Variants in RAPGEF4 observed in about 807,000 individuals in gnomAD.
RAPGEF4 encodes RAP guanine-nucleotide-exchange factor (GEF) 4.
In RAPGEF4, 66 loss-of-function variants were observed where a neutral mutation model predicts 147.9. The observed-to-expected ratio is 0.45, with a 90% confidence interval of 0.37 to 0.55. The LOEUF is 0.55. Ranked by LOEUF, RAPGEF4 falls within the 20% of genes least tolerant of loss-of-function variation. The pLI, the probability that RAPGEF4 is intolerant of heterozygous loss-of-function variation, is 0.00. For synonymous variants in RAPGEF4, 419 were observed against 442.7 expected, an observed-to-expected ratio of 0.95 and a Z score of 0.67; for missense variants, 1,071 against 1,257.3, an observed-to-expected ratio of 0.85 and a Z score of 2.24.
chr2:173,017,142 A>T, intron 19 of RAPGEF4, 32 bp from the exon 20 acceptor site: 1 of 1,601,248 alleles, frequency 6.2e-7, no homozygotes, highest in Non-Finnish European at 8.6e-7. Context: ...TAGCAATGGT[A>T]TTAAATAATG....
chr2:172,972,915 G>A (rs1313822600), intron 10 of RAPGEF4, among the ~76,000 whole-genome samples: 3 of 152,024 alleles, frequency 2.0e-5, no homozygotes, highest in Non-Finnish European at 2.9e-5. Context: ...TTAACATTTT[G>A]GTGCCTATCC....
At chr2:173,026,293 G>A (rs4296399) in intron 23 of RAPGEF4, among the ~76,000 whole-genome samples, 5,884 of 152,294 alleles carry the variant, frequency 0.039, 151 homozygotes, top group Admixed American at 0.075. Flanking sequence ...GCCTGAGTGT[G>A]AGAGAAGAGA....
At position 172,912,846 on chromosome 2, in the gene RAPGEF4, A is replaced by C. The variant is rs138447745; in HGVS notation, c.445-4956A>C. Reference sequence around the variant, plus strand: ...CTCAACTTTCCACCACTGCAAAACAAGGGTGAGTGTGAGTGTCTTCCATCT... The same window carrying C: ...CTCAACTTTCCACCACTGCAAAACACGGGTGAGTGTGAGTGTCTTCCATCT... On this transcript the variant is annotated intron_variant, in intron 4 of 30. Transcript: ENST00000397081. Among the ~76,000 whole-genome samples, 175 of 151,626 alleles carry C rather than the reference A, an allele frequency of 1.2e-3. 1 individual carries two copies. The highest frequency in any genetic ancestry group is 3.9e-3 in the African/African-American group (161 of 41,322).
intron 4 of RAPGEF4, among the ~76,000 whole-genome samples, chr2:172,897,714 T>C (rs972144125): frequency 2.3e-5 from 1 of 42,930 alleles, no homozygotes; most frequent in African/African-American, 8.6e-5. Flanking sequence ...TAGGATGCTT[T>C]TGAATGGGAG....
intron 6 of RAPGEF4, among the ~76,000 whole-genome samples, chr2:172,948,766 C>A (rs771593695): frequency 1.6e-4 from 25 of 152,070 alleles, no homozygotes; most frequent in Non-Finnish European, 2.9e-4. Flanking sequence ...AATACATGGA[C>A]CCACAGAGAG....
chr2:172,749,817 C>T (rs1018692187), intron 1 of RAPGEF4, among the ~76,000 whole-genome samples: 12 of 152,122 alleles, frequency 7.9e-5, no homozygotes, highest in African/African-American at 2.9e-4. Flanking sequence ...TTTTAATCCC[C>T]CCAAGTCATT....
intron 1 of RAPGEF4, among the ~76,000 whole-genome samples, chr2:172,753,088 A>G (rs993851352): frequency 6.6e-6 from 1 of 152,158 alleles, no homozygotes; most frequent in African/African-American, 2.4e-5. Flanking sequence ...AATCCTAAAT[A>G]TCCACAGGAG....
chr2:173,031,659 A>T (rs929120032), intron 26 of RAPGEF4, among the ~76,000 whole-genome samples: 1 of 152,210 alleles, frequency 6.6e-6, no homozygotes, highest in African/African-American at 2.4e-5. Context: ...TAAATAAAAA[A>T]GTAGGAGGCT....
At chr2:172,963,105 C>G (rs931052389) in intron 8 of RAPGEF4, among the ~76,000 whole-genome samples, 1 of 152,074 alleles carries the variant, frequency 6.6e-6, no homozygotes, top group Non-Finnish European at 1.5e-5. Context: ...GTGCCACACA[C>G]TATTAAATGA....
At chr2:173,034,005 T>C in intron 27 of RAPGEF4, 41 bp downstream of exon 27, 5 of 1,548,410 alleles carry the variant, frequency 3.2e-6, no homozygotes, top group Non-Finnish European at 4.4e-6. Context: ...ACTGTCTACA[T>C]TAATCCAATT....
At chr2:173,049,354 TG>T (rs1452710052) in intron 30 of RAPGEF4, among the ~76,000 whole-genome samples, 1 of 152,132 alleles carries the variant, frequency 6.6e-6, no homozygotes, top group African/African-American at 2.4e-5. Flanking sequence ...ACTTTGGTGG[TG>T]GGGGTGGAGC....
At chr2:172,987,743 C>G (rs1692418710) in intron 12 of RAPGEF4, among the ~76,000 whole-genome samples, 1 of 152,162 alleles carries the variant, frequency 6.6e-6, no homozygotes, top group Non-Finnish European at 1.5e-5. Context: ...ATTTTGATAT[C>G]CTTGGGAGGT....
chr2:173,025,773 T>C (rs917811384), intron 23 of RAPGEF4, among the ~76,000 whole-genome samples: 1 of 152,266 alleles, frequency 6.6e-6, no homozygotes, highest in Non-Finnish European at 1.5e-5. Context: ...TTGTAATGTG[T>C]GTGTTGCCTA....
At chr2:172,917,556 T>C (rs1296130317) in intron 4 of RAPGEF4, 2 of 672,504 alleles carry the variant, frequency 3.0e-6, no homozygotes, top group South Asian at 1.5e-5. Context: ...GCCACAGATA[T>C]ATAAATGAAC....
intron 6 of RAPGEF4, among the ~76,000 whole-genome samples, chr2:172,953,339 T>G (rs1010581879): frequency 2.0e-4 from 30 of 147,738 alleles, no homozygotes; most frequent in African/African-American, 6.6e-4. Context: ...TATATATAGA[T>G]ATCTCATGAT....
At chr2:173,011,126 A>T (rs1694957388) in intron 17 of RAPGEF4, among the ~76,000 whole-genome samples, 1 of 150,976 alleles carries the variant, frequency 6.6e-6, no homozygotes, top group Admixed American at 6.6e-5. Context: ...GTGACTAAAC[A>T]TGCTGAATCA....
intron 4 of RAPGEF4, among the ~76,000 whole-genome samples, chr2:172,885,740 A>G (rs1697136968): frequency 6.6e-6 from 1 of 152,194 alleles, no homozygotes; most frequent in Non-Finnish European, 1.5e-5. Context: ...CACAACACAT[A>G]GGAATTATGG....
chr2:172,794,473 G>A (rs1686174131), intron 1 of RAPGEF4, among the ~76,000 whole-genome samples: 1 of 152,048 alleles, frequency 6.6e-6, no homozygotes, highest in South Asian at 2.1e-4. Flanking sequence ...TAAGAAGAAG[G>A]AAAACAGCCA....
chr2:172,758,056 C>T (rs1695943686), intron 1 of RAPGEF4, among the ~76,000 whole-genome samples: 1 of 152,096 alleles, frequency 6.6e-6, no homozygotes, highest in Non-Finnish European at 1.5e-5. Context: ...AGTAAAAAAT[C>T]AGGAGTGCCA....
Sources: gnomAD v4.1 joint callset for allele counts (sites outside exome capture counted in the v4.1 genomes callset) on GRCh38, gnomAD v4.1.1 for gene constraint, MANE v1.5 for transcripts, NCBI Gene and HGNC (gene_info 2026-07-23, HGNC 2026-07-21) for gene names.